Variants in CTSK observed in about 807,000 individuals in gnomAD.
CTSK encodes the protein cathepsin O.
In CTSK, 26 loss-of-function variants were observed where a neutral mutation model predicts 40.5. That is an observed-to-expected ratio of 0.64 (90% CI 0.47 to 0.89). CTSK has a LOEUF of 0.89. Ranked by LOEUF, CTSK falls within the 40% of genes least tolerant of loss-of-function variation. The pLI is 0.00. For synonymous variants in CTSK, 132 were observed against 143.2 expected, an observed-to-expected ratio of 0.92 and a Z score of 0.56; for missense variants, 292 against 400.1, an observed-to-expected ratio of 0.73 and a Z score of 2.30.
In CTSK at chr1:150,796,793, C is replaced by T; in HGVS notation, c.*6G>A. The stretch of plus-strand genomic sequence containing the variant: ...GGAAGAGCAGGATGGATTTGGCTGG[C>T]TGGAGTCACATCTTGGGGAAGCTGG... On this transcript the variant is annotated 3_prime_UTR_variant, in exon 8 of 8. Coordinates refer to ENST00000271651, the MANE Select transcript of CTSK (RefSeq NM_000396.4). 1 of 1,603,416 alleles carries T rather than the reference C, an allele frequency of 6.2e-7. No homozygotes were observed. Among genetic ancestry groups the T allele is most frequent in the Non-Finnish European group, 8.5e-7 (1 of 1,170,190 alleles).
At chr1:150,800,217 A>AGGT (rs1392220436) in intron 5 of CTSK, among the ~76,000 whole-genome samples, 1 of 151,860 alleles carries the variant, frequency 6.6e-6, no homozygotes, top group African/African-American at 2.4e-5. Context: ...AATCAACTAC[A>AGGT]GGTGTTTTAA....
At chr1:150,801,819 G>A (rs1454555333) in intron 5 of CTSK, among the ~76,000 whole-genome samples, 4 of 151,910 alleles carry the variant, frequency 2.6e-5, no homozygotes, top group African/African-American at 9.7e-5. Context: ...GATTACAAGC[G>A]TGAGCCACCG....
chr1:150,807,076 TCTCTCACACACACACACACACA>T, intron 1 of CTSK, among the ~76,000 whole-genome samples: 1 of 36,480 alleles, frequency 2.7e-5, no homozygotes, highest in Non-Finnish European at 7.8e-5. Context: ...TGTCTCTCTC[TCTCTCACACACACACACACACA>T]CACACACACA....
chr1:150,798,965 T>C (rs1234739942), intron 7 of CTSK, among the ~76,000 whole-genome samples: 2 of 152,220 alleles, frequency 1.3e-5, no homozygotes, highest in African/African-American at 4.8e-5. Flanking sequence ...GGGTATTCTT[T>C]TGTGGCAATG....
At chr1:150,805,814 A>G (rs776050755) in intron 4 of CTSK, 47 bp downstream of exon 4, 3 of 1,607,464 alleles carry the variant, frequency 1.9e-6, no homozygotes, top group Non-Finnish European at 2.6e-6. Context: ...GAAAAAGGAA[A>G]AGGTCATGCC....
intron 7 of CTSK, among the ~76,000 whole-genome samples, chr1:150,797,117 T>C (rs867784769): frequency 2.0e-5 from 3 of 152,136 alleles, no homozygotes; most frequent in Non-Finnish European, 4.4e-5. Context: ...AGAGGCTTGA[T>C]GTAAGAGGTG....
At chr1:150,802,893 AT>A (rs1557825532) in intron 5 of CTSK, among the ~76,000 whole-genome samples, 2 of 152,154 alleles carry the variant, frequency 1.3e-5, no homozygotes, top group Non-Finnish European at 2.9e-5. Flanking sequence ...GTAAGACCCT[AT>A]TTCAAAAAAA....
At chr1:150,803,501 C>T (rs1654031232) in intron 5 of CTSK, among the ~76,000 whole-genome samples, 1 of 152,186 alleles carries the variant, frequency 6.6e-6, no homozygotes, top group South Asian at 2.1e-4. Context: ...GGTTGCCTCC[C>T]TTTCAGATAT....
intron 4 of CTSK, 113 bp downstream of exon 4, chr1:150,805,748 C>G (rs1485733930): frequency 1.9e-6 from 2 of 1,038,580 alleles, no homozygotes; most frequent in African/African-American, 3.2e-5. Context: ...GGGAGATGTA[C>G]CTTAATTCCT....
Position 150,806,810 on chromosome 1 carries a change from C to T in CTSK, c.-1-4G>A. The T allele has an allele frequency of 6.2e-7, 1 of 1,613,544 alleles. No homozygotes were observed. Among genetic ancestry groups the T allele is most frequent in the East Asian group, 2.2e-5 (1 of 44,872 alleles). ...CAGAACCTTGAGCCCCCACATCCTG[C>T]AGAAGAATGTAGTTAGGGAAAACTC... is the stretch of plus-strand genomic sequence containing the variant. On this transcript the variant is annotated splice_polypyrimidine_tract_variant and splice_region_variant and intron_variant, in intron 1 of 7. Coordinates refer to ENST00000271651, the MANE Select transcript of CTSK (RefSeq NM_000396.4).
rs1171180978 is a variant in CTSK at position 150,807,080 on chromosome 1, T to TCACACACACACACA, written c.-1-288_-1-275dup. Among the ~76,000 whole-genome samples, 19 of 69,544 alleles carry TCACACACACACACA rather than the reference T, an allele frequency of 2.7e-4. 1 individual carries two copies. Among genetic ancestry groups the TCACACACACACACA allele is most frequent in the East Asian group, 7.5e-4 (1 of 1,334 alleles). 45.6% of individuals were successfully genotyped at this position (69,544 alleles called of 152,430 possible). A position where few individuals can be genotyped will look rare whatever the true frequency, so the allele number is the denominator to read the frequency against. The stretch of plus-strand genomic sequence containing the variant: ...GTTTCTCTCTCTGTCTCTCTCTCTC[T>TCACACACACACACA]CACACACACACACACACACACACAC... On this transcript the variant is annotated intron_variant, in intron 1 of 7. Transcript: ENST00000271651.
Position 150,796,492 on chromosome 1 carries a change from C to A in CTSK, c.*307G>T. ...ATCTAACCTATGTGAAAATCTCCAG[C>A]CTGTACCTGTACAGCATCAGCCCTG... On this transcript the variant is annotated 3_prime_UTR_variant, in exon 8 of 8. Transcript: ENST00000271651. 7.9e-6 allele frequency: 4 copies of A among 504,482 alleles called. No individual in the cohort carries two copies. Among genetic ancestry groups the A allele is most frequent in the Non-Finnish European group, 1.4e-5 (4 of 277,912 alleles). The allele number at this position is 504,482 out of a possible 1,614,324, so 31.3% of individuals were successfully genotyped here. A position where few individuals can be genotyped will look rare whatever the true frequency, so the allele number is the denominator to read the frequency against.
intron 4 of CTSK, among the ~76,000 whole-genome samples, chr1:150,805,234 G>T (rs370481570): frequency 7.6e-5 from 11 of 144,076 alleles, no homozygotes; most frequent in African/African-American, 2.8e-4. Context: ...AATTTGGGGG[G>T]GGGGAAAGGA....
At chr1:150,803,282 T>C (rs1199029045) in intron 5 of CTSK, among the ~76,000 whole-genome samples, 1 of 152,158 alleles carries the variant, frequency 6.6e-6, no homozygotes, top group African/African-American at 2.4e-5. Context: ...TCCTCACCTA[T>C]ACATTCAAGA....
In CTSK at chr1:150,804,028, A is replaced by G; in HGVS notation, c.611T>C (p.Val204Ala). Reference protein sequence around the residue: ...GIDSEDAYPYVGQEESCMYNP... With the variant: ...GIDSEDAYPYAGQEESCMYNP... Reference sequence around the variant, plus strand: ...TGTGTGGAGCAATCTCACCTGTCCCACATATGGGTAGGCATCTTCAGAGTC... The same window carrying G: ...TGTGTGGAGCAATCTCACCTGTCCCGCATATGGGTAGGCATCTTCAGAGTC... The change falls in exon 5 of 8, where the codon GTG becomes GCG. Residue 204 changes from valine (V) to alanine (A), a missense_variant. Transcript: ENST00000271651. The G allele has an allele frequency of 6.2e-7, 1 of 1,614,028 alleles. No individual in the cohort carries two copies. The highest frequency in any genetic ancestry group is 8.5e-7 in the Non-Finnish European group (1 of 1,179,882).
chr1:150,804,999 C>G (rs587699484), intron 4 of CTSK, among the ~76,000 whole-genome samples: 1 of 151,582 alleles, frequency 6.6e-6, no homozygotes, highest in South Asian at 2.1e-4. Context: ...ATTGCTTGAG[C>G]CCAGGAATTT....
At position 150,799,691 on chromosome 1, in the gene CTSK, T is replaced by A; in HGVS notation, c.637A>T (p.Asn213Tyr). The A allele has an allele frequency of 6.2e-7, 1 of 1,614,134 alleles. No homozygotes were observed. Among genetic ancestry groups the A allele is most frequent in the Non-Finnish European group, 8.5e-7 (1 of 1,180,012 alleles). Residue 213 changes from asparagine (N) to tyrosine (Y), a missense_variant, in exon 6 of 8, where the codon AAC (asparagine) becomes TAC (tyrosine). Transcript: ENST00000271651. Reference sequence around the variant, plus strand: ...CATTTAGCTGCCTTGCCTGTTGGGTTGTACATACAACTCTCTTCCTGGAAG... The same window carrying A: ...CATTTAGCTGCCTTGCCTGTTGGGTAGTACATACAACTCTCTTCCTGGAAG... ...YVGQEESCMY[N>Y]PTGKAAKCRG...
chr1:150,801,229 C>A (rs1653982924), intron 5 of CTSK, among the ~76,000 whole-genome samples: 1 of 152,070 alleles, frequency 6.6e-6, no homozygotes, highest in South Asian at 2.1e-4. Context: ...TGAGTTCGAG[C>A]AATTCTCCTG....
At chr1:150,800,795 A>G (rs1386138574) in intron 5 of CTSK, 3 of 152,934 alleles carry the variant, frequency 2.0e-5, no homozygotes, top group Non-Finnish European at 4.4e-5. Flanking sequence ...CCTGTGCAAG[A>G]TAGTGAGATA....
Sources: allele counts gnomAD v4.1 joint callset (sites outside exome capture counted in the v4.1 genomes callset), GRCh38; gene constraint gnomAD v4.1.1; transcripts MANE v1.5; gene names NCBI Gene and HGNC (gene_info 2026-07-23, HGNC 2026-07-21).